The following AMPD1 variants were observed in gnomAD, a reference collection of about 807,000 sequenced individuals.
AMPD1 encodes AMP deaminase 1.
A neutral mutation model predicts 82.9 loss-of-function variants in AMPD1; 74 were observed. The ratio of observed to expected loss-of-function variants is 0.89; its 90% CI spans 0.74 to 1.08. AMPD1 has a LOEUF of 1.08. Ranked by LOEUF, AMPD1 falls within the 50% of genes least tolerant of loss-of-function variation. The pLI, the probability that AMPD1 is intolerant of heterozygous loss-of-function variation, is 0.00. For missense variants in AMPD1, 881 were observed against 924.5 expected (o/e 0.95, Z 0.61); for synonymous variants, 333 against 320.5 (o/e 1.04, Z -0.42).
At position 114,684,064 on chromosome 1, in the gene AMPD1, G is replaced by A. The variant is rs925549231; in HGVS notation, c.547+135C>T. 1.4e-5 allele frequency: 14 copies of A among 966,558 alleles called. No individual in the cohort carries two copies. In the African/African-American group the frequency reaches 2.3e-4, roughly 16 times the overall value. The allele number at this position is 966,558 out of a possible 1,614,324, so 59.9% of individuals were successfully genotyped here. On this transcript the variant is annotated intron_variant, in intron 5 of 15. Coordinates refer to ENST00000520113, the MANE Select transcript of AMPD1 (RefSeq NM_000036.3). ...CTGAATCAAGTGATTGGACACGTGA[G>A]GAAATGGGGCCAAAGATGATTATGA...
intron 2 of AMPD1, 132 bp from the exon 3 acceptor site, chr1:114,688,873 A>G: frequency 1.0e-6 from 1 of 997,294 alleles, no homozygotes; most frequent in Non-Finnish European, 1.6e-6. Flanking sequence ...CCAGGGTCCA[A>G]CACAGAGCTC....
intron 3 of AMPD1, among the ~76,000 whole-genome samples, chr1:114,687,967 G>A (rs1658369219): frequency 6.6e-6 from 1 of 152,100 alleles, no homozygotes; most frequent in Non-Finnish European, 1.5e-5. Flanking sequence ...GCCCACTTTG[G>A]TCTGAAATAA....
In AMPD1 at chr1:114,678,138, G is replaced by A. The variant is rs1658055391; in HGVS notation, c.1093-97C>T. On this transcript the variant is annotated intron_variant, in intron 8 of 15. Coordinates refer to ENST00000520113, the MANE Select transcript of AMPD1 (RefSeq NM_000036.3). Reference sequence around the variant, plus strand: ...CAAGCAGAACTGGGGTCTGGTAGTGGGGGAGGGCATTGGGCTCCAAGAATG... The same window carrying A: ...CAAGCAGAACTGGGGTCTGGTAGTGAGGGAGGGCATTGGGCTCCAAGAATG... 3.4e-5 allele frequency: 53 copies of A among 1,542,552 alleles called. 1 individual carries two copies. The South Asian group carries it at 5.6e-4, about 16-fold the overall frequency.
intron 1 of AMPD1, 55 bp downstream of exon 1, chr1:114,695,395 C>CAAAAAAAAA: frequency 6.9e-7 from 1 of 1,450,252 alleles, no homozygotes; most frequent in Non-Finnish European, 9.3e-7. Context: ...AGTTGCTTGT[C>CAAAAAAAAA]AAAAAAAAAA....
chr1:114,674,752 C>G lies in AMPD1; in HGVS notation c.1800G>C (p.Lys600Asn), dbSNP rs1301479221. ...GTTAAGAAGAGAGCTTCCAACTCAC[C>G]TTTTTTAAATTTAGGCCATGAGAGA... ...DDISHGLNLK[K>N]SPVLQYLFFL... The change falls in exon 13 of 16, where the codon AAG becomes AAC. Residue 600 changes from lysine to asparagine, a missense_variant and splice_region_variant. Lys to Asn is a moderately conservative substitution (Grantham distance 94). Coordinates refer to ENST00000520113, the MANE Select transcript of AMPD1 (RefSeq NM_000036.3). 1.2e-6 allele frequency: 2 copies of G among 1,613,752 alleles called. No homozygotes were observed. Among genetic ancestry groups the G allele is most frequent in the Admixed American group, 3.3e-5 (2 of 60,018 alleles).
chr1:114,673,212 G>C lies in AMPD1; in HGVS notation c.2146C>G (p.Arg716Gly). The C allele has an allele frequency of 6.2e-7, 1 of 1,614,034 alleles. No individual in the cohort carries two copies. Among genetic ancestry groups the C allele is most frequent in the Non-Finnish European group, 8.5e-7 (1 of 1,179,982 alleles). ...LEEGPAGNDI[R>G]RTNVAQIRMA... ...CGGATTTGGGCTACATTTGTCCTCC[G>C]GATATCATTTCCAGCAGGGCCTTCC... Residue 716 changes from arginine to glycine, a missense_variant, in exon 16 of 16, where the codon CGG becomes GGG. Around this residue, in one of 2 missense-constraint regions of AMPD1, gnomAD observed 98 missense variants for 138.1 expected, o/e 0.71. Coordinates refer to ENST00000520113, the MANE Select transcript of AMPD1 (RefSeq NM_000036.3).
chr1:114,687,705 A>G (rs1570851728), intron 3 of AMPD1, among the ~76,000 whole-genome samples: 1 of 152,228 alleles, frequency 6.6e-6, no homozygotes, highest in Middle Eastern at 3.4e-3. Flanking sequence ...CTTGGTGGAG[A>G]GGGATTTTCA....
Position 114,677,953 on chromosome 1 carries a change from G to A in AMPD1, c.1181C>T (p.Thr394Ile). 1.2e-6 allele frequency: 2 copies of A among 1,613,796 alleles called. No homozygotes were observed. The highest frequency in any genetic ancestry group is 8.5e-7 in the Non-Finnish European group (1 of 1,179,970). The change falls in exon 9 of 16, where the codon ACA (threonine) becomes ATA (isoleucine). Residue 394 changes from threonine to isoleucine, a missense_variant. By Grantham distance (89) the Thr-to-Ile change is moderately conservative. Around this residue, in one of 2 missense-constraint regions of AMPD1, gnomAD observed 783 missense variants for 786.4 expected, o/e 1.00. Transcript: ENST00000520113. Reference sequence around the variant, plus strand: ...ATATTCCCCATTAATGTAATTGTCTGTCTTCAAGTAGAGGTCCCGTAGCTC... The same window carrying A: ...ATATTCCCCATTAATGTAATTGTCTATCTTCAAGTAGAGGTCCCGTAGCTC... ...ASELRDLYLK[T>I]DNYINGEYFA...
At chr1:114,673,504 C>T (rs1282897305) in intron 15 of AMPD1, 135 bp downstream of exon 15, 2 of 878,308 alleles carry the variant, frequency 2.3e-6, no homozygotes, top group East Asian at 5.2e-5. Context: ...AGAATAATCC[C>T]TTCTAGTCCC....
Position 114,686,844 on chromosome 1 carries a change from G to T in AMPD1, c.282C>A (p.Thr94=), listed in dbSNP as rs1395096733. ...TGTATTCATCAATGTGGGACAGTTT[G>T]GTGGAAGATGTTTCACTTAGTGGAA... is the stretch of plus-strand genomic sequence containing the variant. ...LSIPLSETSS[T]KLSHIDEYIS... is the part of the protein sequence containing the mutation. Residue 94 remains threonine (T), a synonymous_variant, in exon 4 of 16, where the codon ACC becomes ACA. Coordinates refer to ENST00000520113, the MANE Select transcript of AMPD1 (RefSeq NM_000036.3). The T allele has an allele frequency of 6.2e-7, 1 of 1,614,122 alleles. No homozygotes were observed. Among genetic ancestry groups the T allele is most frequent in the Admixed American group, 1.7e-5 (1 of 60,016 alleles).
At chr1:114,673,523 G>C (rs1657892388) in intron 15 of AMPD1, 116 bp downstream of exon 15, 5 of 944,830 alleles carry the variant, frequency 5.3e-6, no homozygotes, top group Middle Eastern at 2.1e-4. Flanking sequence ...CCTGTCCATA[G>C]TAACTGCATA....
chr1:114,675,510 T>C lies in AMPD1; in HGVS notation c.1679+20A>G. ...GCTGTGTCAAATAGACCCTCCTAGC[T>C]CCAGCTGTCTCCTACTTACTTTCTC... is the stretch of plus-strand genomic sequence containing the variant. On this transcript the variant is annotated intron_variant, in intron 12 of 15. Coordinates refer to ENST00000520113, the MANE Select transcript of AMPD1 (RefSeq NM_000036.3). 1 of 1,613,084 alleles carries C rather than the reference T, an allele frequency of 6.2e-7. No individual in the cohort carries two copies. Among genetic ancestry groups the C allele is most frequent in the Non-Finnish European group, 8.5e-7 (1 of 1,179,146 alleles).
intron 3 of AMPD1, among the ~76,000 whole-genome samples, chr1:114,687,569 G>A (rs1240655508): frequency 6.6e-6 from 1 of 152,144 alleles, no homozygotes; most frequent in Non-Finnish European, 1.5e-5. Flanking sequence ...TCCCCATGAA[G>A]CTGGTGGGAT....
At chr1:114,691,010 C>G (rs1286990304) in intron 2 of AMPD1, among the ~76,000 whole-genome samples, 1 of 152,200 alleles carries the variant, frequency 6.6e-6, no homozygotes, top group Admixed American at 6.5e-5. Context: ...AACAAGCATT[C>G]ATTGTCTGGG....
chr1:114,694,551 T>G (rs1658622598), intron 1 of AMPD1, among the ~76,000 whole-genome samples: 1 of 152,074 alleles, frequency 6.6e-6, no homozygotes, highest in African/African-American at 2.4e-5. Context: ...ATTTTTAAAA[T>G]TATTACTTTT....
Position 114,677,407 on chromosome 1 carries a change from G to A in AMPD1, c.1332C>T (p.Val444=). 6.2e-7 allele frequency: 1 copy of A among 1,611,750 alleles called. No individual in the cohort carries two copies. The highest frequency in any genetic ancestry group is 8.5e-7 in the Non-Finnish European group (1 of 1,179,628). Residue 444 remains valine (V), a synonymous_variant, in exon 10 of 16, where the codon GTC becomes GTT. Coordinates refer to ENST00000520113, the MANE Select transcript of AMPD1 (RefSeq NM_000036.3). ...TGTTGGGGCAGTGGATGCGATTGCA[G>A]ACGAACCAGGAGGAGAGTTTGCTCC... ...DEWSKLSSWF[V]CNRIHCPNMT...
intron 2 of AMPD1, among the ~76,000 whole-genome samples, chr1:114,691,874 G>A (rs1045869918): frequency 6.6e-6 from 1 of 151,370 alleles, no homozygotes; most frequent in Non-Finnish European, 1.5e-5. Flanking sequence ...GCAATGAGCC[G>A]AGATTATGCT....
At position 114,680,386 on chromosome 1, in the gene AMPD1, C is replaced by A. The variant is rs534684763; in HGVS notation, c.640G>T (p.Val214Leu). The A allele has an allele frequency of 9.3e-6, 15 of 1,614,228 alleles. No individual in the cohort carries two copies. The African/African-American group carries it at 1.7e-4, about 19-fold the overall frequency. ...LGYHLKMKDG[V>L]VYVYPNEAAV... The stretch of plus-strand genomic sequence containing the variant: ...GCTTCATTAGGATAGACGTAAACTA[C>A]ACCGTCCTTCATTTTGAGGTGATAG... The change falls in exon 6 of 16, where the codon GTA becomes TTA. Residue 214 changes from valine (V) to leucine (L), a missense_variant. Physicochemically the swap from Val to Leu is conservative, Grantham distance 32. Coordinates refer to ENST00000520113, the MANE Select transcript of AMPD1 (RefSeq NM_000036.3).
intron 4 of AMPD1, among the ~76,000 whole-genome samples, chr1:114,686,065 T>C (rs994825600): frequency 3.9e-5 from 6 of 152,170 alleles, no homozygotes; most frequent in African/African-American, 1.4e-4. Flanking sequence ...TGACCAACTG[T>C]TCTGGATGAG....
Sources: allele counts gnomAD v4.1 joint callset (sites outside exome capture counted in the v4.1 genomes callset), GRCh38; gene constraint gnomAD v4.1.1; regional missense constraint gnomAD v4.1.1; transcripts MANE v1.5; gene names NCBI Gene and HGNC (gene_info 2026-07-23, HGNC 2026-07-21).